The following TYW5 variants were observed in gnomAD, a reference collection of about 807,000 sequenced individuals.
TYW5 encodes the protein tRNA-yW synthesizing protein 5.
TYW5 carries 36 observed loss-of-function variants against 44.4 expected under a neutral mutation model. That is an observed-to-expected ratio of 0.81 (90% CI 0.62 to 1.07). The LOEUF (loss-of-function observed/expected upper bound fraction) is 1.07. Ranked by LOEUF, TYW5 falls within the 50% of genes least tolerant of loss-of-function variation. TYW5 has a pLI of 0.00. For synonymous variants in TYW5, 121 were observed against 128.1 expected (o/e 0.94, Z 0.37); for missense variants, 354 against 365.7 (o/e 0.97, Z 0.26).
chr2:199,951,134 A>G (rs547522415), intron 1 of TYW5, among the ~76,000 whole-genome samples: 2 of 152,292 alleles, frequency 1.3e-5, no homozygotes, highest in African/African-American at 4.8e-5. Context: ...AAGTTTGGTG[A>G]TATTTTTGTG....
chr2:199,933,072 C>T lies in TYW5; in HGVS notation c.943G>A (p.Glu315Lys). 3 of 1,613,516 alleles carry T rather than the reference C, an allele frequency of 1.9e-6. No individual in the cohort carries two copies. Among genetic ancestry groups the T allele is most frequent in the Non-Finnish European group, 2.5e-6 (3 of 1,179,756 alleles). ...IQDKAYSKNS[E>K] The stretch of plus-strand genomic sequence containing the variant: ...CATTGCATTCACTTCATTATTTACT[C>T]AGAGTTCTTGCTGTAGGCTTTGTCT... Residue 315 changes from glutamate to lysine, a missense_variant, in exon 8 of 8, where the codon GAG becomes AAG. By Grantham distance (56) the Glu-to-Lys change is moderately conservative (BLOSUM62 1). Coordinates refer to ENST00000354611, the MANE Select transcript of TYW5 (RefSeq NM_001039693.3).
chr2:199,936,706 T>G (rs1220430339), intron 5 of TYW5, among the ~76,000 whole-genome samples: 1 of 152,218 alleles, frequency 6.6e-6, no homozygotes, highest in Non-Finnish European at 1.5e-5. Flanking sequence ...TGGGAAGACT[T>G]GGCAAATTAG....
chr2:199,935,267 T>C (rs1345618582), intron 7 of TYW5, among the ~76,000 whole-genome samples: 1 of 152,054 alleles, frequency 6.6e-6, no homozygotes, highest in Non-Finnish European at 1.5e-5. Context: ...TCTTACTTGA[T>C]GTCACTTAGT....
In TYW5 at chr2:199,948,362, A is replaced by G. The variant is rs2077518785; in HGVS notation, c.189T>C (p.Ala63=). 1.9e-6 allele frequency: 3 copies of G among 1,614,196 alleles called. No individual in the cohort carries two copies. Among genetic ancestry groups the G allele is most frequent in the Non-Finnish European group, 2.5e-6 (3 of 1,180,024 alleles). ...TAATGAAGTCCATCTGTGCAACTGC[A>G]GCAACATGAATCTTTACTTCTTTCT... ...GGKKEVKIHV[A]AVAQMDFISK... Residue 63 remains alanine, a synonymous_variant, in exon 2 of 8, where the codon GCT becomes GCC. Transcript: ENST00000354611.
chr2:199,941,396 C>T (rs1189795590), intron 3 of TYW5, among the ~76,000 whole-genome samples: 1 of 152,192 alleles, frequency 6.6e-6, no homozygotes, highest in Non-Finnish European at 1.5e-5. Flanking sequence ...AATTATAAAA[C>T]ATTCACTGTT....
Position 199,930,241 on chromosome 2 carries a change from A to G in TYW5, c.*2826T>C, listed in dbSNP as rs1341493855. The G allele has an allele frequency of 6.6e-6, 1 of 152,104 alleles. No individual in the cohort carries two copies. Among genetic ancestry groups the G allele is most frequent in the East Asian group, 1.9e-4 (1 of 5,184 alleles). The allele number at this position is 152,104 out of a possible 1,614,324, so 9.4% of individuals were successfully genotyped here. A position where few individuals can be genotyped will look rare whatever the true frequency, so the allele number is the denominator to read the frequency against. On this transcript the variant is annotated 3_prime_UTR_variant, in exon 8 of 8. Transcript: ENST00000354611. ...ATCCACCCACCTCGGTGCATATAGT[A>G]TTTTTAAAATGTATTTTGAAAGGAT...
chr2:199,955,329 T>C, intron 1 of TYW5, 64 bp downstream of exon 1: 1 of 1,568,508 alleles, frequency 6.4e-7, no homozygotes. Context: ...TTCCCAGCTG[T>C]CCGAAAGGTA....
At chr2:199,938,209 C>T (rs2105695485) in intron 5 of TYW5, among the ~76,000 whole-genome samples, 1 of 152,038 alleles carries the variant, frequency 6.6e-6, no homozygotes. Context: ...GGACTACAGG[C>T]ACCCGCCACC....
At chr2:199,947,268 G>A (rs1284561009) in intron 2 of TYW5, 3 of 152,168 alleles carry the variant, frequency 2.0e-5, no homozygotes, top group Admixed American at 1.3e-4. Context: ...GAACTACATG[G>A]TTTTTCAATA....
At chr2:199,936,623 A>G in intron 5 of TYW5, 131 bp from the exon 6 acceptor site, 1 of 667,136 alleles carries the variant, frequency 1.5e-6, no homozygotes, top group Non-Finnish European at 2.5e-6. Context: ...TCTTACAGTT[A>G]CCTAACAATA....
chr2:199,930,524 T>C lies in TYW5; in HGVS notation c.*2543A>G, dbSNP rs1232776362. 6.6e-6 allele frequency: 1 copy of C among 152,228 alleles called. No homozygotes were observed. The highest frequency in any genetic ancestry group is 6.5e-5 in the Admixed American group (1 of 15,274). The allele number at this position is 152,228 out of a possible 1,614,324, so 9.4% of individuals were successfully genotyped here. On this transcript the variant is annotated 3_prime_UTR_variant, in exon 8 of 8. Transcript: ENST00000354611. ...GGTTTTACCATGTTGGCCAGAATGG[T>C]CTTGATCTGACCTCGTGATCTGCCC... is the stretch of plus-strand genomic sequence containing the variant.
intron 1 of TYW5, among the ~76,000 whole-genome samples, chr2:199,952,310 G>T (rs903657721): frequency 2.0e-5 from 3 of 152,238 alleles, no homozygotes; most frequent in South Asian, 2.1e-4. Flanking sequence ...GTACCATTTG[G>T]TATAAAATTT....
chr2:199,948,091 C>CA (rs1274212565), intron 2 of TYW5: 35 of 428,296 alleles, frequency 8.2e-5, no homozygotes, highest in East Asian at 3.4e-4. Context: ...AACTCTGTCT[C>CA]AAAAAAAATA....
chr2:199,932,989 T>C lies in TYW5; in HGVS notation c.*78A>G. On this transcript the variant is annotated 3_prime_UTR_variant, in exon 8 of 8. Transcript: ENST00000354611. Reference sequence around the variant, plus strand: ...ATAATCTGTAAATCTGATGTATCTTTCCTATTTTAACAAAATCTTTAATTT... The same window carrying C: ...ATAATCTGTAAATCTGATGTATCTTCCCTATTTTAACAAAATCTTTAATTT... 1.3e-6 allele frequency: 2 copies of C among 1,500,400 alleles called. No homozygotes were observed. Among genetic ancestry groups the C allele is most frequent in the South Asian group, 2.6e-5 (2 of 76,234 alleles). The allele number at this position is 1,500,400 out of a possible 1,614,324, so 92.9% of individuals were successfully genotyped here.
At chr2:199,949,960 C>A (rs2077532189) in intron 1 of TYW5, among the ~76,000 whole-genome samples, 2 of 152,064 alleles carry the variant, frequency 1.3e-5, no homozygotes, top group Non-Finnish European at 2.9e-5. Flanking sequence ...CTTCTTGTGA[C>A]TTTTTAACTG....
rs1340833542 is a variant in TYW5, at chr2:199,929,324, C to T, written c.*3743G>A. Reference sequence around the variant, plus strand: ...CACGTTGTGCACATGTACCCTAGAACTTAAAAGTATAATAAAAAAATAAAT... The same window carrying T: ...CACGTTGTGCACATGTACCCTAGAATTTAAAAGTATAATAAAAAAATAAAT... On this transcript the variant is annotated 3_prime_UTR_variant, in exon 8 of 8. Coordinates refer to ENST00000354611, the MANE Select transcript of TYW5 (RefSeq NM_001039693.3). Among the ~76,000 whole-genome samples, 1 of 152,034 alleles carries T rather than the reference C, an allele frequency of 6.6e-6. No individual in the cohort carries two copies. Among genetic ancestry groups the T allele is most frequent in the African/African-American group, 2.4e-5 (1 of 41,392 alleles).
In TYW5 at chr2:199,930,229, G is replaced by A. The variant is rs924842920; in HGVS notation, c.*2838C>T. On this transcript the variant is annotated 3_prime_UTR_variant, in exon 8 of 8. Coordinates refer to ENST00000354611, the MANE Select transcript of TYW5 (RefSeq NM_001039693.3). ...TGAGTTCAGATGATCCACCCACCTC[G>A]GTGCATATAGTATTTTTAAAATGTA... is the stretch of plus-strand genomic sequence containing the variant. The A allele has an allele frequency of 1.1e-4, 16 of 151,940 alleles. No individual in the cohort carries two copies. The highest frequency in any genetic ancestry group is 3.4e-4 in the African/African-American group (14 of 41,354). The allele number at this position is 151,940 out of a possible 1,614,324, so 9.4% of individuals were successfully genotyped here.
Position 199,932,780 on chromosome 2 carries a change from G to A in TYW5, c.*287C>T, listed in dbSNP as rs1350936071. On this transcript the variant is annotated 3_prime_UTR_variant, in exon 8 of 8. Transcript: ENST00000354611. ...GAATCATTGGATCAGAAACACTGCA[G>A]CACATTCTGTCAATAGATTTCATGT... The A allele has an allele frequency of 8.6e-6, 3 of 346,932 alleles. No individual in the cohort carries two copies. The highest frequency in any genetic ancestry group is 1.0e-5 in the Non-Finnish European group (2 of 190,682). The allele number at this position is 346,932 out of a possible 1,614,324, so 21.5% of individuals were successfully genotyped here.
At chr2:199,946,397 G>A (rs547099146) in intron 2 of TYW5, 41 of 152,282 alleles carry the variant, frequency 2.7e-4, no homozygotes, top group African/African-American at 8.7e-4. Context: ...ACTGATGAGA[G>A]TACAATAAAC....
Sources: gnomAD v4.1 joint callset for allele counts (sites outside exome capture counted in the v4.1 genomes callset) on GRCh38, gnomAD v4.1.1 for gene constraint, MANE v1.5 for transcripts, NCBI Gene and HGNC (gene_info 2026-07-23, HGNC 2026-07-21) for gene names.